The following SNTG1 variants were observed in gnomAD, a reference collection of about 807,000 sequenced individuals.
SNTG1 encodes gamma-1-syntrophin.
In SNTG1, 39 loss-of-function variants were observed where a neutral mutation model predicts 74.7. The ratio of observed to expected loss-of-function variants is 0.52; its 90% confidence interval spans 0.40 to 0.68. The LOEUF (loss-of-function observed/expected upper bound fraction) is 0.68, where lower values mean the gene tolerates loss of function less well. SNTG1 is among the 30% of genes least tolerant of loss of function. The pLI, the probability that SNTG1 is intolerant of heterozygous loss-of-function variation, is 0.00. For synonymous variants in SNTG1, 254 were observed against 217.1 expected (o/e 1.17, Z -1.49); for missense variants, 685 against 609.5 (o/e 1.12, Z -1.30).
intron 18 of SNTG1, among the ~76,000 whole-genome samples, chr8:50,766,839 AT>A (rs1193950563): frequency 6.6e-6 from 1 of 151,944 alleles, no homozygotes; most frequent in Admixed American, 6.6e-5. Flanking sequence ...AAGATATAAT[AT>A]ATTTAATAAA....
rs370250967 is a variant in SNTG1, at chr8:50,645,897, GA to G, written c.850-11009del. On this transcript the variant is annotated intron_variant, in intron 13 of 18. Transcript: ENST00000642720. ...TTTACAATGAGGAAATGCTGAGGGG[GA>G]AAGTGTCTCGGAGGGGATGCACATC... Among the ~76,000 whole-genome samples, 462 of 152,188 alleles carry G rather than the reference GA, an allele frequency of 3.0e-3. 3 individuals carry two copies. Among genetic ancestry groups the G allele is most frequent in the African/African-American group, 0.011 (445 of 41,522 alleles).
At chr8:50,628,819 G>C (rs758112596) in intron 13 of SNTG1, among the ~76,000 whole-genome samples, 3 of 152,062 alleles carry the variant, frequency 2.0e-5, no homozygotes, top group Non-Finnish European at 4.4e-5. Flanking sequence ...AAATATTGAG[G>C]TATCTTTGTT....
At chr8:49,988,185 G>GATAA (rs945106924) in intron 1 of SNTG1, among the ~76,000 whole-genome samples, 11 of 152,116 alleles carry the variant, frequency 7.2e-5, no homozygotes, top group African/African-American at 2.4e-4. Context: ...AATGCCTTGG[G>GATAA]ATAAAGGGGA....
At chr8:50,530,637 A>G (rs1413375322) in intron 10 of SNTG1, among the ~76,000 whole-genome samples, 2 of 152,118 alleles carry the variant, frequency 1.3e-5, no homozygotes, top group Non-Finnish European at 2.9e-5. Context: ...TTAATTTGCT[A>G]TTTGTTAGGA....
intron 1 of SNTG1, among the ~76,000 whole-genome samples, chr8:50,015,741 G>A (rs961600650): frequency 6.6e-6 from 1 of 152,108 alleles, no homozygotes; most frequent in Non-Finnish European, 1.5e-5. Context: ...TCAACACATT[G>A]TTGCCAATGA....
intron 2 of SNTG1, among the ~76,000 whole-genome samples, chr8:50,284,488 A>G (rs6992813): frequency 0.07 from 10,596 of 152,084 alleles, 409 homozygotes; most frequent in African/African-American, 0.085. Context: ...GTCCTTTCAG[A>G]TGGGTCCTTT....
chr8:49,915,088 AT>A (rs1439229728), intron 1 of SNTG1: 4 of 152,162 alleles, frequency 2.6e-5, no homozygotes, highest in Admixed American at 1.3e-4. Context: ...AAAGATCAGA[AT>A]TTTTTAACTG....
chr8:50,259,400 G>C (rs2087042828), intron 2 of SNTG1, among the ~76,000 whole-genome samples: 1 of 151,528 alleles, frequency 6.6e-6, no homozygotes, highest in Non-Finnish European at 1.5e-5. Context: ...CCAGGAGGCT[G>C]AGGCAGGAGA....
chr8:50,475,992 T>G (rs1361804393), intron 8 of SNTG1, among the ~76,000 whole-genome samples: 1 of 152,190 alleles, frequency 6.6e-6, no homozygotes, highest in African/African-American at 2.4e-5. Flanking sequence ...GTAGCATGAC[T>G]GGAGCACTGC....
chr8:50,343,445 T>C (rs1326727567), intron 2 of SNTG1, among the ~76,000 whole-genome samples: 1 of 152,144 alleles, frequency 6.6e-6, no homozygotes, highest in Non-Finnish European at 1.5e-5. Context: ...GTCATAGATA[T>C]TAGTGTGGTT....
chr8:49,984,478 T>G (rs1406759479), intron 1 of SNTG1, among the ~76,000 whole-genome samples: 6 of 152,136 alleles, frequency 3.9e-5, no homozygotes, highest in African/African-American at 1.4e-4. Flanking sequence ...GTGCTGGGAT[T>G]ATAGGCGTGA....
chr8:50,597,855 G>T (rs1212702910), intron 13 of SNTG1, among the ~76,000 whole-genome samples: 2 of 151,890 alleles, frequency 1.3e-5, no homozygotes, highest in Non-Finnish European at 2.9e-5. Flanking sequence ...CCATTTGTAT[G>T]TATTCTTTTG....
chr8:50,087,289 CAA>C (rs1822982416), intron 1 of SNTG1, among the ~76,000 whole-genome samples: 1 of 152,122 alleles, frequency 6.6e-6, no homozygotes, highest in African/African-American at 2.4e-5. Context: ...CTGAAAGGGT[CAA>C]GTTTGTCTTC....
chr8:50,276,380 TATATATATATATATATA>T (rs1435931622), intron 2 of SNTG1, among the ~76,000 whole-genome samples: 2 of 11,658 alleles, frequency 1.7e-4, no homozygotes, highest in Non-Finnish European at 1.9e-3. Context: ...ATTTTATATA[TATATATATATATATATA>T]TATATATATA....
At chr8:50,291,022 C>T (rs1418325140) in intron 2 of SNTG1, among the ~76,000 whole-genome samples, 1 of 152,158 alleles carries the variant, frequency 6.6e-6, no homozygotes, top group Non-Finnish European at 1.5e-5. Flanking sequence ...TCCCAAAGTG[C>T]TGGGACTGCA....
chr8:50,043,078 T>A (rs1818780807), intron 1 of SNTG1, among the ~76,000 whole-genome samples: 1 of 152,228 alleles, frequency 6.6e-6, no homozygotes, highest in African/African-American at 2.4e-5. Context: ...CTTCCCTCTG[T>A]TATTTTCCTT....
intron 1 of SNTG1, among the ~76,000 whole-genome samples, chr8:50,026,122 G>C (rs1247565520): frequency 6.6e-6 from 1 of 152,114 alleles, no homozygotes; most frequent in Non-Finnish European, 1.5e-5. Context: ...TTGATCACTT[G>C]TATGCCATTT....
chr8:50,385,867 T>A (rs1215960332), intron 2 of SNTG1, among the ~76,000 whole-genome samples: 1 of 152,226 alleles, frequency 6.6e-6, no homozygotes, highest in Non-Finnish European at 1.5e-5. Flanking sequence ...CTTGTGGTAA[T>A]CCATTGTCAG....
chr8:50,076,091 A>G (rs1159025312), intron 1 of SNTG1, among the ~76,000 whole-genome samples: 1 of 152,216 alleles, frequency 6.6e-6, no homozygotes, highest in Non-Finnish European at 1.5e-5. Flanking sequence ...GTAAAGTGCA[A>G]TCAAGCGAAG....
Sources: allele counts gnomAD v4.1 joint callset (sites outside exome capture counted in the v4.1 genomes callset), GRCh38; gene constraint gnomAD v4.1.1; transcripts MANE v1.5; gene names NCBI Gene and HGNC (gene_info 2026-07-23, HGNC 2026-07-21).